The following PRIM2 variants were observed in gnomAD, a reference collection of about 807,000 sequenced individuals.
PRIM2 encodes the protein DNA primase subunit 2.
Under a neutral mutation model 67.3 loss-of-function variants are expected in PRIM2, and 39 were observed. The observed-to-expected ratio is 0.58, with a 90% confidence interval of 0.45 to 0.76. PRIM2 has a LOEUF of 0.76. Ranked by LOEUF, PRIM2 falls within the 30% of genes least tolerant of loss-of-function variation. The probability of loss-of-function intolerance (pLI) is 0.00; values close to 1 mark genes in which losing one functional copy is unlikely to be tolerated. For missense variants in PRIM2, 398 were observed against 598.7 expected (o/e 0.66, Z 3.50); for synonymous variants, 143 against 198.7 (o/e 0.72, Z 2.36).
intron 12 of PRIM2, among the ~76,000 whole-genome samples, chr6:57,615,221 C>T (rs1776733161): frequency 6.6e-6 from 1 of 151,750 alleles, no homozygotes; most frequent in African/African-American, 2.4e-5. Flanking sequence ...AGTTCGAGAC[C>T]AGCCTGGGTA....
intron 10 of PRIM2, among the ~76,000 whole-genome samples, chr6:57,586,659 C>T (rs1413162491): frequency 2.6e-5 from 4 of 152,148 alleles, no homozygotes; most frequent in African/African-American, 9.7e-5. Context: ...TGATTTCTCA[C>T]AGGAATCTTG....
At position 57,465,337 on chromosome 6, in the gene PRIM2, A is replaced by T. The variant is rs1257160526; in HGVS notation, c.694-42050A>T. Among the ~76,000 whole-genome samples, 66 of 152,302 alleles carry T rather than the reference A, an allele frequency of 4.3e-4. 1 individual carries two copies. In the South Asian group the frequency reaches 0.013, roughly 29 times the overall value. ...CAGAAGCTAGTGACACAAAGAAGTT[A>T]CCAGGGAGAGAATCCATTCTGCTGA... On this transcript the variant is annotated intron_variant, in intron 7 of 13. Coordinates refer to ENST00000615550, the MANE Select transcript of PRIM2 (RefSeq NM_000947.5).
chr6:57,451,040 ATT>A, intron 7 of PRIM2, among the ~76,000 whole-genome samples: 1 of 152,242 alleles, frequency 6.6e-6, no homozygotes, highest in African/African-American at 2.4e-5. Context: ...CCTTGATGAT[ATT>A]TAGTAGGAGC....
At chr6:57,408,291 G>A (rs1327930163) in intron 7 of PRIM2, among the ~76,000 whole-genome samples, 2 of 152,156 alleles carry the variant, frequency 1.3e-5, no homozygotes, top group Admixed American at 6.5e-5. Flanking sequence ...CCTTTACAGA[G>A]CCAGAGGGAG....
chr6:57,623,656 C>G (rs1776896620), intron 12 of PRIM2, among the ~76,000 whole-genome samples: 1 of 152,184 alleles, frequency 6.6e-6, no homozygotes, highest in Admixed American at 6.5e-5. Context: ...ATTTCTTGAT[C>G]AGTTTTATAG....
intron 7 of PRIM2, among the ~76,000 whole-genome samples, chr6:57,489,516 C>T (rs1156259953): frequency 1.3e-5 from 2 of 148,502 alleles, no homozygotes; most frequent in African/African-American, 5.0e-5. Flanking sequence ...GAGATCGTTC[C>T]ACTGCACTCC....
chr6:57,524,667 C>T (rs1774707652), intron 8 of PRIM2, among the ~76,000 whole-genome samples: 1 of 151,900 alleles, frequency 6.6e-6, no homozygotes, highest in Admixed American at 6.6e-5. Flanking sequence ...TACCATTGCA[C>T]TCCAGCCTGG....
At chr6:57,300,504 G>A in the PRIM2 span, among the ~76,000 whole-genome samples, 1 of 152,072 alleles carries the variant, frequency 6.6e-6, no homozygotes, top group African/African-American at 2.4e-5. Flanking sequence ...TCTGAAAATC[G>A]GGTAGTGGAT....
intron 7 of PRIM2, among the ~76,000 whole-genome samples, chr6:57,402,530 T>A (rs1019356554): frequency 6.6e-6 from 1 of 152,158 alleles, no homozygotes; most frequent in African/African-American, 2.4e-5. Context: ...AAGATAGAGT[T>A]GATACTGGCT....
chr6:57,373,804 T>C (rs1369021315), intron 5 of PRIM2, among the ~76,000 whole-genome samples: 2 of 152,210 alleles, frequency 1.3e-5, no homozygotes, highest in Non-Finnish European at 2.9e-5. Context: ...CATTGGTCTA[T>C]GTGCCTGTTT....
chr6:57,353,139 CA>C (rs57281233), intron 5 of PRIM2, among the ~76,000 whole-genome samples: 1,617 of 58,594 alleles, frequency 0.028, 9 homozygotes, highest in East Asian at 0.069. Context: ...GGTGAAATCC[CA>C]AAAAAAAAAA....
At chr6:57,511,343 A>C (rs1337248616) in intron 8 of PRIM2, among the ~76,000 whole-genome samples, 1 of 152,322 alleles carries the variant, frequency 6.6e-6, no homozygotes, top group Non-Finnish European at 1.5e-5. Context: ...TTGTCCATTC[A>C]CTCATTAATT....
At chr6:57,579,395 G>GGTA (rs1314086529) in intron 10 of PRIM2, among the ~76,000 whole-genome samples, 2 of 151,932 alleles carry the variant, frequency 1.3e-5, no homozygotes, top group African/African-American at 2.4e-5. Context: ...TTCAAGGCAC[G>GGTA]GTATAGTCTT....
intron 7 of PRIM2, among the ~76,000 whole-genome samples, chr6:57,412,823 A>G (rs1156327315): frequency 2.6e-5 from 4 of 152,132 alleles, no homozygotes; most frequent in Non-Finnish European, 2.9e-5. Context: ...AAACAAAGGC[A>G]TAAGGCTATA....
chr6:57,249,329 T>C, the PRIM2 span, among the ~76,000 whole-genome samples: 1 of 152,336 alleles, frequency 6.6e-6, no homozygotes, highest in East Asian at 1.9e-4. Context: ...CTAGTAGGAT[T>C]ACTTGTTTCA....
chr6:57,531,625 A>G (rs1774893653), intron 8 of PRIM2, among the ~76,000 whole-genome samples: 1 of 152,170 alleles, frequency 6.6e-6, no homozygotes, highest in Non-Finnish European at 1.5e-5. Context: ...TCCTAATTTG[A>G]AGATAATCAT....
At chr6:57,421,135 G>A (rs1771447978) in intron 7 of PRIM2, among the ~76,000 whole-genome samples, 1 of 152,154 alleles carries the variant, frequency 6.6e-6, no homozygotes. Flanking sequence ...ATAGTCAGGA[G>A]TATGAAGACT....
intron 5 of PRIM2, among the ~76,000 whole-genome samples, chr6:57,375,508 GGATATTGGCCT>G (rs1460218413): frequency 1.3e-5 from 2 of 152,106 alleles, no homozygotes; most frequent in African/African-American, 4.8e-5. Context: ...TGTTCATCAA[GGATATTGGCCT>G]GATGTTTTCC....
At chr6:57,359,240 A>G (rs2127309897) in intron 5 of PRIM2, among the ~76,000 whole-genome samples, 1 of 152,364 alleles carries the variant, frequency 6.6e-6, no homozygotes, top group South Asian at 2.1e-4. Flanking sequence ...CACAGTCTTC[A>G]GGAGCTCTGG....
Sources: gnomAD v4.1 joint callset for allele counts (sites outside exome capture counted in the v4.1 genomes callset) on GRCh38, gnomAD v4.1.1 for gene constraint, MANE v1.5 for transcripts, NCBI Gene and HGNC (gene_info 2026-07-23, HGNC 2026-07-21) for gene names.